The following TAF4 variants were observed in gnomAD, a reference collection of about 807,000 sequenced individuals.
The protein encoded by TAF4 is TATA-box binding protein associated factor 4, also known as transcription initiation factor TFIID subunit 4.
Under a neutral mutation model 90.3 loss-of-function variants are expected in TAF4, and 9 were observed. The ratio of observed to expected loss-of-function variants is 0.10; its 90% confidence interval spans 0.06 to 0.17. TAF4 has a LOEUF of 0.17. Ranked by LOEUF, TAF4 falls within the 10% of genes least tolerant of loss-of-function variation. TAF4 has a pLI of 1.00. For synonymous variants in TAF4, 818 were observed against 638.9 expected (o/e 1.28, Z -4.23); for missense variants, 1,351 against 1,370.7 (o/e 0.99, Z 0.23).
intron 9 of TAF4, among the ~76,000 whole-genome samples, chr20:62,001,007 G>A (rs938561386): frequency 1.3e-5 from 2 of 152,246 alleles, no homozygotes; most frequent in Non-Finnish European, 2.9e-5. Context: ...GCAAAGCCGG[G>A]AGCAGCGCGG....
intron 1 of TAF4, among the ~76,000 whole-genome samples, chr20:62,050,053 C>T (rs1378217541): frequency 3.3e-5 from 5 of 152,170 alleles, no homozygotes; most frequent in Non-Finnish European, 7.3e-5. Flanking sequence ...TACTGTCACA[C>T]GCTGGAGTTG....
In TAF4 at chr20:62,041,203, TG is replaced by T. The variant is rs370633025; in HGVS notation, c.1360+23247del. ...CAGCAGAGGGCACAAGCAGACCCTCTGGGGGGCTGAACGAAATGGGGGTAGA... is the reference window on the plus strand; with the variant it reads ...CAGCAGAGGGCACAAGCAGACCCTCTGGGGGCTGAACGAAATGGGGGTAGA... On this transcript the variant is annotated intron_variant, in intron 1 of 14. Coordinates refer to ENST00000252996, the MANE Select transcript of TAF4 (RefSeq NM_003185.4). Among the ~76,000 whole-genome samples, 7 of 152,186 alleles carry T rather than the reference TG, an allele frequency of 4.6e-5. No homozygotes were observed. The East Asian group carries it at 7.7e-4, about 17-fold the overall frequency.
Position 62,006,743 on chromosome 20 carries a change from A to C in TAF4, c.1990T>G (p.Leu664Val). ...GCGGAGTCGGGGGTCAGCTGTCTCAAGGCGGGTAAGCTCCTCTGGGTGGAA... is the reference window on the plus strand; with the variant it reads ...GCGGAGTCGGGGGTCAGCTGTCTCACGGCGGGTAAGCTCCTCTGGGTGGAA... Reference protein sequence around the residue: ...VPFLKRSLPALRQLTPDSAAF... With the variant: ...VPFLKRSLPAVRQLTPDSAAF... The change falls in exon 7 of 15, where the codon TTG (leucine) becomes GTG (valine). Residue 664 changes from leucine to valine, a missense_variant. This residue lies in a region of TAF4 where 202 missense variants were observed against 229.7 expected (regional missense o/e 0.88). Transcript: ENST00000252996. The surrounding 1 kb of genome is among the most constrained non-coding windows in gnomAD (Gnocchi z 7.0). 1 of 1,529,784 alleles carries C rather than the reference A, an allele frequency of 6.5e-7. No individual in the cohort carries two copies. The highest frequency in any genetic ancestry group is 8.8e-7 in the Non-Finnish European group (1 of 1,130,336). The allele number at this position is 1,529,784 out of a possible 1,614,324, so 94.8% of individuals were successfully genotyped here. A position where few individuals can be genotyped will look rare whatever the true frequency, so the allele number is the denominator to read the frequency against.
At chr20:62,050,598 G>C (rs561629079) in intron 1 of TAF4, among the ~76,000 whole-genome samples, 5 of 151,942 alleles carry the variant, frequency 3.3e-5, no homozygotes, top group East Asian at 1.9e-4. Flanking sequence ...AATAAAAAGA[G>C]AAGAGAAGGA....
chr20:62,013,815 G>A (rs1046010561), intron 2 of TAF4, among the ~76,000 whole-genome samples: 2 of 152,164 alleles, frequency 1.3e-5, no homozygotes, highest in African/African-American at 2.4e-5. Flanking sequence ...GCCGGGAGAG[G>A]CAAGTCCTGG....
intron 1 of TAF4, among the ~76,000 whole-genome samples, chr20:62,056,283 T>C (rs1322015906): frequency 2.0e-5 from 3 of 152,056 alleles, no homozygotes; most frequent in East Asian, 1.9e-4. Context: ...ATAGGCACAG[T>C]TGGCGAGAAT....
Position 62,065,087 on chromosome 20 carries a change from G to A in TAF4, c.724C>T (p.Pro242Ser), listed in dbSNP as rs1319235345. 22 of 995,964 alleles carry A rather than the reference G, an allele frequency of 2.2e-5. No homozygotes were observed. The highest frequency in any genetic ancestry group is 3.7e-5 in the African/African-American group (2 of 54,674). 61.7% of individuals were successfully genotyped at this position (995,964 alleles called of 1,614,324 possible). ...AAPGTVIQTP[P>S]FVGAAAPPAP... ...GGGGGCGCGGCGGCGCCCACGAAGG[G>A]GGGCGTCTGGATGACAGTGCCGGGG... Residue 242 changes from proline to serine, a missense_variant, in exon 1 of 15, where the codon CCC (proline) becomes TCC (serine). This residue lies in a region of TAF4 where 782 missense variants were observed against 536.6 expected (regional missense o/e 1.46). Transcript: ENST00000252996.
chr20:61,977,026 G>A (rs751340274), intron 14 of TAF4, among the ~76,000 whole-genome samples: 13 of 152,196 alleles, frequency 8.5e-5, no homozygotes, highest in Non-Finnish European at 1.2e-4. Context: ...GCATGACACC[G>A]CCCAGCAGGG....
intron 1 of TAF4, among the ~76,000 whole-genome samples, chr20:62,055,963 G>A (rs574433930): frequency 7.9e-5 from 12 of 152,324 alleles, no homozygotes; most frequent in South Asian, 2.1e-4. Flanking sequence ...CAGGCCAGGC[G>A]CAGTGGCTCA....
intron 10 of TAF4, 64 bp from the exon 11 acceptor site, chr20:62,000,318 A>C (rs928971180): frequency 1.3e-6 from 2 of 1,576,648 alleles, no homozygotes; most frequent in South Asian, 1.2e-5. Context: ...CTTTACGGCT[A>C]ATCTCTGATC....
At position 62,065,023 on chromosome 20, in the gene TAF4, G is replaced by T; in HGVS notation, c.788C>A (p.Pro263His). Residue 263 changes from proline to histidine, a missense_variant, in exon 1 of 15, where the codon CCC becomes CAC. By Grantham distance (77) the Pro-to-His change is moderately conservative. Around this residue, in one of 9 missense-constraint regions of TAF4, gnomAD observed 782 missense variants for 536.6 expected, o/e 1.46. Coordinates refer to ENST00000252996, the MANE Select transcript of TAF4 (RefSeq NM_003185.4). ...AAPSPPAAPA[P>H]AAPAAAPPPP... is the part of the protein sequence containing the mutation. ...GGGCGGGGCGGCGGCGGGGGCGGCG[G>T]GCGCGGGGGCGGCGGGGGGCGAGGG... 2 of 465,924 alleles carry T rather than the reference G, an allele frequency of 4.3e-6. No individual in the cohort carries two copies. The highest frequency in any genetic ancestry group is 5.5e-6 in the Non-Finnish European group (2 of 364,212). The allele number at this position is 465,924 out of a possible 1,614,324, so 28.9% of individuals were successfully genotyped here.
At chr20:62,020,926 G>A (rs1346771410) in intron 1 of TAF4, among the ~76,000 whole-genome samples, 1 of 152,194 alleles carries the variant, frequency 6.6e-6, no homozygotes, top group African/African-American at 2.4e-5. Flanking sequence ...AGCAGTTGCT[G>A]GAGCCAGCGT....
intron 14 of TAF4, among the ~76,000 whole-genome samples, chr20:61,993,080 C>T (rs1381333402): frequency 6.6e-6 from 1 of 152,202 alleles, no homozygotes; most frequent in Non-Finnish European, 1.5e-5. Context: ...CCTCTATGAG[C>T]TGGACCCACC....
At chr20:62,002,215 C>T (rs1158886217) in intron 9 of TAF4, among the ~76,000 whole-genome samples, 2 of 152,224 alleles carry the variant, frequency 1.3e-5, no homozygotes, top group African/African-American at 4.8e-5. Flanking sequence ...ACGCTGGGCC[C>T]AGGCATGCTG....
chr20:62,025,699 C>T (rs1051320169), intron 1 of TAF4, among the ~76,000 whole-genome samples: 5 of 152,254 alleles, frequency 3.3e-5, no homozygotes, highest in Non-Finnish European at 7.3e-5. Flanking sequence ...GTCAATTCAA[C>T]CTCTTTCCTT....
chr20:62,036,610 GGT>G (rs1321390393), intron 1 of TAF4, among the ~76,000 whole-genome samples: 1 of 152,118 alleles, frequency 6.6e-6, no homozygotes, highest in Admixed American at 6.5e-5. Flanking sequence ...GACCAACAGG[GGT>G]TATGCTAGGA....
At chr20:61,999,471 C>T (rs1415671648) in intron 11 of TAF4, among the ~76,000 whole-genome samples, 3 of 152,254 alleles carry the variant, frequency 2.0e-5, no homozygotes, top group Non-Finnish European at 4.4e-5. Context: ...GAAGGCACTG[C>T]CTCCCGGCTG....
At chr20:62,054,113 G>A (rs1311210188) in intron 1 of TAF4, among the ~76,000 whole-genome samples, 1 of 152,218 alleles carries the variant, frequency 6.6e-6, no homozygotes, top group African/African-American at 2.4e-5. Flanking sequence ...TCCCTTCTGT[G>A]GATTTTCTCT....
intron 3 of TAF4, among the ~76,000 whole-genome samples, chr20:62,011,873 A>C (rs1487011000): frequency 6.6e-6 from 1 of 152,196 alleles, no homozygotes; most frequent in Non-Finnish European, 1.5e-5. Flanking sequence ...CACAGACACC[A>C]GGTGACCAAG....
Sources: gnomAD v4.1 joint callset for allele counts (sites outside exome capture counted in the v4.1 genomes callset) on GRCh38, gnomAD v4.1.1 for gene constraint, gnomAD v4.1.1 regional missense constraint, Gnocchi (gnomAD v3.1) non-coding constraint, MANE v1.5 for transcripts, NCBI Gene and HGNC (gene_info 2026-07-23, HGNC 2026-07-21) for gene names.